ADGRL3: variants seen among roughly 807,000 people sequenced by gnomAD.
ADGRL3 encodes the protein adhesion G protein-coupled receptor L3, also known as calcium-independent alpha-latrotoxin receptor 3.
A neutral mutation model predicts 153.5 loss-of-function variants in ADGRL3; 62 were observed. That is an observed-to-expected ratio of 0.40 (90% CI 0.33 to 0.50). The LOEUF is 0.50. ADGRL3 is among the 20% of genes least tolerant of loss of function. The pLI is 0.47. For missense variants in ADGRL3, 1,641 were observed against 1,859.4 expected (o/e 0.88, Z 2.16); for synonymous variants, 710 against 672.5 (o/e 1.06, Z -0.86).
chr4:61,207,913 A>G (rs1738068186), intron 1 of ADGRL3, among the ~76,000 whole-genome samples: 1 of 152,220 alleles, frequency 6.6e-6, no homozygotes, highest in Admixed American at 6.5e-5. Context: ...ATCCAGCCAC[A>G]TAAAGAGCCA....
intron 5 of ADGRL3, among the ~76,000 whole-genome samples, chr4:61,644,471 G>A (rs1229441213): frequency 6.6e-6 from 1 of 152,160 alleles, no homozygotes; most frequent in Non-Finnish European, 1.5e-5. Context: ...ATGCGTCCCA[G>A]AGATTCTGGT....
At chr4:61,462,801 T>C (rs1488775245) in intron 2 of ADGRL3, among the ~76,000 whole-genome samples, 1 of 152,186 alleles carries the variant, frequency 6.6e-6, no homozygotes, top group East Asian at 1.9e-4. Flanking sequence ...TATTGTTCCA[T>C]GTGTGTAATG....
At chr4:61,345,076 G>A (rs928297286) in intron 1 of ADGRL3, among the ~76,000 whole-genome samples, 1 of 151,834 alleles carries the variant, frequency 6.6e-6, no homozygotes, top group African/African-American at 2.4e-5. Context: ...GGGATTACAG[G>A]CGTGAGACAT....
At chr4:61,518,142 G>C (rs1021288514) in intron 4 of ADGRL3, among the ~76,000 whole-genome samples, 2 of 152,102 alleles carry the variant, frequency 1.3e-5, no homozygotes, top group African/African-American at 4.8e-5. Flanking sequence ...ACAAAACTTA[G>C]TACTTACTCT....
At chr4:61,940,115 A>G (rs1294816194) in intron 15 of ADGRL3, among the ~76,000 whole-genome samples, 2 of 107,356 alleles carry the variant, frequency 1.9e-5, no homozygotes, top group African/African-American at 3.6e-5. Flanking sequence ...AGAGTGTGAT[A>G]TTCCCCTTCC....
rs149021380 is a variant in ADGRL3 at position 61,403,717 on chromosome 4, C to T, written c.-174+20528C>T. 5.6e-3 allele frequency among the ~76,000 whole-genome samples: 844 copies of T among 151,994 alleles called. 6 individuals carry two copies. Among genetic ancestry groups the T allele is most frequent in the South Asian group, 0.012 (57 of 4,820 alleles). ...TGCAGTTGATTATCTGGATTTGAAACGGGTGTTTGAAGTTGGGGGACAGGC... is the reference window on the plus strand; with the variant it reads ...TGCAGTTGATTATCTGGATTTGAAATGGGTGTTTGAAGTTGGGGGACAGGC... On this transcript the variant is annotated intron_variant, in intron 2 of 26. Transcript: ENST00000683033.
In ADGRL3 at chr4:61,241,173, A is replaced by G. The variant is rs573070131; in HGVS notation, c.-240+39408A>G. Among the ~76,000 whole-genome samples the G allele has an allele frequency of 2.5e-4, 38 of 152,164 alleles. No individual in the cohort carries two copies. In the South Asian group the frequency reaches 7.9e-3, roughly 32 times the overall value. ...AGGAAGCATCAGAACAATATAATAA[A>G]TGGCTGAATAAAGCAGATATAGCTC... On this transcript the variant is annotated intron_variant, in intron 1 of 26. Transcript: ENST00000683033.
At chr4:61,953,179 G>A (rs948093012) in intron 17 of ADGRL3, among the ~76,000 whole-genome samples, 7 of 152,174 alleles carry the variant, frequency 4.6e-5, no homozygotes, top group African/African-American at 1.7e-4. Flanking sequence ...ATACACAGAA[G>A]TACAGCAGCC....
intron 5 of ADGRL3, among the ~76,000 whole-genome samples, chr4:61,588,750 G>C (rs1038351698): frequency 1.3e-5 from 2 of 152,020 alleles, no homozygotes; most frequent in African/African-American, 4.8e-5. Flanking sequence ...ATGCCTGAAA[G>C]AGTTCTGATT....
At chr4:61,454,167 G>A (rs954737437) in intron 2 of ADGRL3, among the ~76,000 whole-genome samples, 1 of 151,990 alleles carries the variant, frequency 6.6e-6, no homozygotes, top group African/African-American at 2.4e-5. Context: ...TGCCTACCCA[G>A]GAAGTAGTTT....
chr4:61,767,357 A>C lies in ADGRL3; in HGVS notation c.1399+33803A>C, dbSNP rs6836872. 9.8e-3 allele frequency among the ~76,000 whole-genome samples: 1,491 copies of C among 151,824 alleles called. 29 individuals carry two copies. Among genetic ancestry groups the C allele is most frequent in the African/African-American group, 0.034 (1,397 of 41,174 alleles). On this transcript the variant is annotated intron_variant, in intron 8 of 26. Coordinates refer to ENST00000683033, the MANE Select transcript of ADGRL3 (RefSeq NM_001387552.1). ...AAGTTGGCACCAGATGGGGAGTTTT[A>C]AGAGGTTTAGAAGCCTGGCCATCAA...
chr4:61,983,102 A>T (rs892587304), intron 18 of ADGRL3, among the ~76,000 whole-genome samples: 3 of 152,166 alleles, frequency 2.0e-5, no homozygotes, highest in Non-Finnish European at 4.4e-5. Flanking sequence ...AGAAATAATT[A>T]TTCATAGGCT....
At position 61,983,509 on chromosome 4, in the gene ADGRL3, A is replaced by G; in HGVS notation, c.3142A>G (p.Arg1048Gly). 6.2e-7 allele frequency: 1 copy of G among 1,613,994 alleles called. No homozygotes were observed. Among genetic ancestry groups the G allele is most frequent in the Non-Finnish European group, 8.5e-7 (1 of 1,179,868 alleles). Residue 1048 changes from arginine (R) to glycine (G), a missense_variant, in exon 19 of 27, where the codon AGG (arginine) becomes GGG (glycine). This residue lies in a region of ADGRL3 where 734 missense variants were observed against 797.0 expected (regional missense o/e 0.92). Coordinates refer to ENST00000683033, the MANE Select transcript of ADGRL3 (RefSeq NM_001387552.1). ...VEVFESEHSR[R>G]KYFYLVGYGM... ...GGTTTTTGAGAGTGAACATTCACGTAGGAAATACTTTTATCTGGTCGGCTA... is the reference window on the plus strand; with the variant it reads ...GGTTTTTGAGAGTGAACATTCACGTGGGAAATACTTTTATCTGGTCGGCTA...
chr4:61,664,796 T>G (rs2094725821), intron 5 of ADGRL3, among the ~76,000 whole-genome samples: 1 of 152,208 alleles, frequency 6.6e-6, no homozygotes. Flanking sequence ...AAATATGAAG[T>G]ACTTTTCATT....
At chr4:61,337,056 C>CT (rs1462771278) in intron 1 of ADGRL3, among the ~76,000 whole-genome samples, 13 of 88,388 alleles carry the variant, frequency 1.5e-4, no homozygotes, top group African/African-American at 4.6e-4. Flanking sequence ...ATGAATTGCC[C>CT]TTTGTTTTTT....
At chr4:61,370,708 T>G (rs923999437) in intron 1 of ADGRL3, among the ~76,000 whole-genome samples, 15 of 151,722 alleles carry the variant, frequency 9.9e-5, no homozygotes, top group African/African-American at 3.6e-4. Flanking sequence ...TATATTCTGT[T>G]GATTTGGGGT....
intron 3 of ADGRL3, among the ~76,000 whole-genome samples, chr4:61,514,849 T>C (rs1472383207): frequency 1.3e-5 from 2 of 152,188 alleles, no homozygotes; most frequent in South Asian, 2.1e-4. Flanking sequence ...TGTGTTTTTA[T>C]GTTTTGTTTA....
chr4:61,357,806 T>G (rs1176303990), intron 1 of ADGRL3, among the ~76,000 whole-genome samples: 1 of 152,080 alleles, frequency 6.6e-6, no homozygotes, highest in Non-Finnish European at 1.5e-5. Flanking sequence ...AAGATATTGT[T>G]TACTATATTT....
intron 9 of ADGRL3, among the ~76,000 whole-genome samples, chr4:61,872,151 C>G (rs928505295): frequency 3.9e-5 from 6 of 152,118 alleles, no homozygotes; most frequent in Non-Finnish European, 8.8e-5. Context: ...CTCAAGCAGC[C>G]TGGTTTGTAT....
Sources: allele counts gnomAD v4.1 joint callset (sites outside exome capture counted in the v4.1 genomes callset), GRCh38; gene constraint gnomAD v4.1.1; regional missense constraint gnomAD v4.1.1; transcripts MANE v1.5; gene names NCBI Gene and HGNC (gene_info 2026-07-23, HGNC 2026-07-21).